The following PHKA2 variants were observed in gnomAD, a reference collection of about 807,000 sequenced individuals.
The protein encoded by PHKA2 is phosphorylase kinase regulatory subunit alpha 2, also known as phosphorylase b kinase regulatory subunit alpha, liver isoform.
Under a neutral mutation model 102.0 loss-of-function variants are expected in PHKA2, and 31 were observed. That is an observed-to-expected ratio of 0.30 (90% CI 0.23 to 0.41). PHKA2 has a LOEUF of 0.41. Ranked by LOEUF, PHKA2 falls within the 10% of genes least tolerant of loss-of-function variation. PHKA2 has a pLI of 1.00. For missense variants in PHKA2, 858 were observed against 1,023.1 expected (o/e 0.84, Z 2.20); for synonymous variants, 455 against 416.2 (o/e 1.09, Z -1.13).
At chrX:18,966,338 C>G (rs57701957) in intron 1 of PHKA2, among the ~76,000 whole-genome samples, 13 of 109,790 alleles carry the variant, frequency 1.2e-4, no homozygotes, top group South Asian at 3.9e-4. Context: ...GTGATCCCCC[C>G]GCCTTGGCCT....
At chrX:18,920,459 C>T (rs990630378) in intron 17 of PHKA2, among the ~76,000 whole-genome samples, 1 of 112,384 alleles carries the variant, frequency 8.9e-6, no homozygotes, top group Non-Finnish European at 1.9e-5. Flanking sequence ...AACACAAATA[C>T]GACTCTATTT....
intron 23 of PHKA2, 38 bp downstream of exon 23, chrX:18,906,980 C>G: frequency 9.0e-7 from 1 of 1,115,705 alleles, no homozygotes; most frequent in East Asian, 3.1e-5. Context: ...CCCCATGGCT[C>G]CCCCGCAAAC....
chrX:18,910,979 AAGAGAGTTATT>A lies in PHKA2; in HGVS notation c.2138-30_2138-20del. 9.5e-7 allele frequency: 1 copy of A among 1,053,130 alleles called. No homozygotes were observed. Among genetic ancestry groups the A allele is most frequent in the East Asian group, 3.2e-5 (1 of 31,131 alleles). The allele number at this position is 1,053,130 out of a possible 1,213,427, so 86.8% of individuals were successfully genotyped here. ...GGAACAACTGGAAAACAAAAGAATA[AAGAGAGTTATT>A]CTGAGGAGGAAGAACAACACTTTTT... On this transcript the variant is annotated intron_variant, in intron 19 of 32. Transcript: ENST00000379942.
chrX:18,980,973 A>T (rs1330235207), intron 1 of PHKA2, among the ~76,000 whole-genome samples: 1 of 112,097 alleles, frequency 8.9e-6, no homozygotes, highest in Non-Finnish European at 1.9e-5. Context: ...TTACCAGCTG[A>T]CACTAAAAAA....
intron 1 of PHKA2, among the ~76,000 whole-genome samples, chrX:18,966,866 G>A (rs2048952637): frequency 8.9e-6 from 1 of 111,949 alleles, no homozygotes; most frequent in Admixed American, 9.5e-5. Context: ...AGAAGTACAG[G>A]GAAGGGACTG....
Position 18,983,864 on chromosome X carries a change from C to G in PHKA2, c.69G>C (p.Leu23=), listed in dbSNP as rs369826720. The stretch of plus-strand genomic sequence containing the variant: ...GGCGGTCCCTCCTTACCTGGTAACA[C>G]AGGATGGTTTGCTGCACCAGCCGCG... ...GYARLVQQTI[L]CYQNPVTGLL... is the part of the protein sequence containing the mutation. The change falls in exon 1 of 33, where the codon CTG becomes CTC. Residue 23 remains leucine, a synonymous_variant. Transcript: ENST00000379942. 1.7e-6 allele frequency: 2 copies of G among 1,209,048 alleles called. No homozygotes were observed. Among genetic ancestry groups the G allele is most frequent in the African/African-American group, 3.5e-5 (2 of 57,474 alleles).
At chrX:18,910,736 A>G (rs1382249753) in intron 20 of PHKA2, 136 bp downstream of exon 20, 2 of 440,455 alleles carry the variant, frequency 4.5e-6, no homozygotes, top group East Asian at 9.1e-5. Flanking sequence ...CCAAGCCCAG[A>G]GCTTCTAAAC....
At chrX:18,939,488 TTTTTTG>T (rs772084608) in intron 9 of PHKA2, among the ~76,000 whole-genome samples, 97 of 111,194 alleles carry the variant, frequency 8.7e-4, no homozygotes, top group Non-Finnish European at 1.5e-3. Context: ...TACAAGTTGG[TTTTTTG>T]TTTTTGTTTT....
chrX:18,896,245 CAG>C (rs1438730244), intron 30 of PHKA2: 10 of 112,377 alleles, frequency 8.9e-5, no homozygotes, highest in African/African-American at 3.2e-4. Context: ...AGGGAAAAGA[CAG>C]GGAGGGCCTG....
chrX:18,897,632 C>A, intron 29 of PHKA2: 1 of 341,959 alleles, frequency 2.9e-6, no homozygotes, highest in South Asian at 4.7e-5. Context: ...GCTTGGGGGT[C>A]AGACTGCCGG....
chrX:18,902,989 A>G (rs1398447120), intron 26 of PHKA2: 3 of 112,211 alleles, frequency 2.7e-5, no homozygotes, highest in Non-Finnish European at 5.6e-5. Context: ...GAAAACTGAG[A>G]CCACTGAACT....
At chrX:18,900,601 A>G (rs1255982579) in intron 28 of PHKA2, 69 bp downstream of exon 28, 2 of 1,005,425 alleles carry the variant, frequency 2.0e-6, no homozygotes, top group East Asian at 6.1e-5. Context: ...GCGGAGTCAC[A>G]GCCTCACTTT....
chrX:18,971,230 C>T (rs1437565723), intron 1 of PHKA2, among the ~76,000 whole-genome samples: 3 of 112,445 alleles, frequency 2.7e-5, no homozygotes, highest in East Asian at 2.8e-4. Context: ...CATAACCTTG[C>T]CAACACTTAG....
rs759440193 is a variant in PHKA2, at chrX:18,948,922, C to T, written c.455-96G>A. Reference sequence around the variant, plus strand: ...ACACTAGGAAATAAACCCTTTTACCCTCATTTTCATTTTTCTTCCAAAGGC... The same window carrying T: ...ACACTAGGAAATAAACCCTTTTACCTTCATTTTCATTTTTCTTCCAAAGGC... On this transcript the variant is annotated intron_variant, in intron 4 of 32. Transcript: ENST00000379942. The T allele has an allele frequency of 3.5e-4, 211 of 601,016 alleles. 1 individual carries two copies. The Admixed American group carries it at 4.9e-3, about 14-fold the overall frequency. The allele number at this position is 601,016 out of a possible 1,213,427, so 49.5% of individuals were successfully genotyped here.
At position 18,900,756 on chromosome X, in the gene PHKA2, T is replaced by A. The variant is rs919051355; in HGVS notation, c.3028-57A>T. The A allele has an allele frequency of 2.1e-5, 22 of 1,042,001 alleles. No individual in the cohort carries two copies. The South Asian group carries it at 4.0e-4, about 19-fold the overall frequency. The allele number at this position is 1,042,001 out of a possible 1,213,427, so 85.9% of individuals were successfully genotyped here. Reference sequence around the variant, plus strand: ...CCAGCTTTGAGCCAAGAACGCGTGCTTCTTCTATTGCCCTCTCTCTTAATC... The same window carrying A: ...CCAGCTTTGAGCCAAGAACGCGTGCATCTTCTATTGCCCTCTCTCTTAATC... On this transcript the variant is annotated intron_variant, in intron 27 of 32. Transcript: ENST00000379942.
At position 18,908,010 on chromosome X, in the gene PHKA2, C is replaced by T. The variant is rs766866500; in HGVS notation, c.2407G>A (p.Val803Ile). The T allele has an allele frequency of 6.6e-6, 8 of 1,209,209 alleles. No individual in the cohort carries two copies. The highest frequency in any genetic ancestry group is 3.0e-5 in the East Asian group (1 of 33,744). ...TNLSGQHGVTVQNLLGELYGK... is the reference protein window; with the variant it reads ...TNLSGQHGVTIQNLLGELYGK... ...TAGAGCTCACCAAGAAGGTTTTGAA[C>T]GGTGACCCCGTGCTGTCCAGAGAGA... is the stretch of plus-strand genomic sequence containing the variant. Residue 803 changes from valine (V) to isoleucine (I), a missense_variant, in exon 22 of 33, where the codon GTT becomes ATT. By Grantham distance (29) the Val-to-Ile change is conservative. Around this residue, in one of 2 missense-constraint regions of PHKA2, gnomAD observed 671 missense variants for 745.2 expected, o/e 0.90. Transcript: ENST00000379942.
At chrX:18,965,605 T>C (rs1386884256) in intron 1 of PHKA2, among the ~76,000 whole-genome samples, 1 of 110,528 alleles carries the variant, frequency 9.0e-6, no homozygotes, top group Non-Finnish European at 1.9e-5. Context: ...GGGGTGCACA[T>C]TGTGGACAGG....
intron 9 of PHKA2, among the ~76,000 whole-genome samples, chrX:18,939,433 C>T (rs776332664): frequency 1.3e-4 from 15 of 111,922 alleles, no homozygotes; most frequent in South Asian, 3.7e-4. Flanking sequence ...ATCCTCCCTC[C>T]TCAGCCTCCC....
rs780229429 is a variant in PHKA2 at position 18,897,330 on chromosome X, A to T, written c.3115T>A (p.Ser1039Thr). 2.5e-6 allele frequency: 3 copies of T among 1,206,242 alleles called. No individual in the cohort carries two copies. In the South Asian group the frequency reaches 5.3e-5, roughly 21 times the overall value. ...CCAGTGGGCGAGGATGGGGTGCTGG[A>T]CCTCTGCAAGACAGACAGCTTGGGG... ...SSAHSSKSAR[S>T]STPSSPTGTS... is the part of the protein sequence containing the mutation. Residue 1039 changes from serine (S) to threonine (T), a missense_variant, in exon 30 of 33, where the codon TCC (serine) becomes ACC (threonine). This residue lies in a region of PHKA2 where 671 missense variants were observed against 745.2 expected (regional missense o/e 0.90). Transcript: ENST00000379942.
Sources: gnomAD v4.1 joint callset for allele counts (sites outside exome capture counted in the v4.1 genomes callset) on GRCh38, gnomAD v4.1.1 for gene constraint, gnomAD v4.1.1 regional missense constraint, MANE v1.5 for transcripts, NCBI Gene and HGNC (gene_info 2026-07-23, HGNC 2026-07-21) for gene names.